The following SYN3 variants were observed in gnomAD, a reference collection of about 807,000 sequenced individuals.
The protein encoded by SYN3 is synapsin III.
In SYN3, 35 loss-of-function variants were observed where a neutral mutation model predicts 65.8. That is an observed-to-expected ratio of 0.53 (90% CI 0.41 to 0.70). SYN3 has a LOEUF of 0.70. Ranked by LOEUF, SYN3 falls within the 30% of genes least tolerant of loss-of-function variation. The probability of loss-of-function intolerance (pLI) is 0.00; values close to 1 mark genes in which losing one functional copy is unlikely to be tolerated. For synonymous variants in SYN3, 270 were observed against 292.9 expected (o/e 0.92, Z 0.80); for missense variants, 680 against 749.0 (o/e 0.91, Z 1.08).
At chr22:32,611,095 CA>C (rs1427496229) in intron 6 of SYN3, among the ~76,000 whole-genome samples, 1 of 152,168 alleles carries the variant, frequency 6.6e-6, no homozygotes, top group Non-Finnish European at 1.5e-5. Context: ...CGCCCTGGAT[CA>C]GAAGTGATTT....
intron 5 of SYN3, among the ~76,000 whole-genome samples, chr22:32,867,249 G>A (rs1435333246): frequency 3.3e-5 from 5 of 152,142 alleles, no homozygotes; most frequent in Admixed American, 1.3e-4. Flanking sequence ...TCCTCTTTCT[G>A]TCCTTGATCT....
chr22:32,868,741 G>A (rs984828115), intron 5 of SYN3, among the ~76,000 whole-genome samples: 3 of 152,104 alleles, frequency 2.0e-5, no homozygotes, highest in South Asian at 2.1e-4. Flanking sequence ...ATAAGCCACC[G>A]TGCCCGGCCT....
intron 6 of SYN3, among the ~76,000 whole-genome samples, chr22:32,795,404 AG>A: frequency 6.6e-6 from 1 of 152,318 alleles, no homozygotes; most frequent in African/African-American, 2.4e-5. Context: ...GGACCTGGTG[AG>A]TGATGATGTC....
At chr22:32,859,114 C>T (rs2048461885) in intron 6 of SYN3, 9 of 1,556,824 alleles carry the variant, frequency 5.8e-6, no homozygotes, top group South Asian at 2.2e-5. Flanking sequence ...AATCCAGGCT[C>T]GGTAGCCTCA....
chr22:32,719,157 T>C (rs1034555232), intron 6 of SYN3, among the ~76,000 whole-genome samples: 2 of 152,180 alleles, frequency 1.3e-5, no homozygotes, highest in African/African-American at 4.8e-5. Context: ...AAAACAGTTC[T>C]TAGCACCACA....
At chr22:32,697,893 C>T (rs1226800652) in intron 6 of SYN3, among the ~76,000 whole-genome samples, 3 of 152,162 alleles carry the variant, frequency 2.0e-5, no homozygotes, top group African/African-American at 7.2e-5. Context: ...ACTCTGCCAT[C>T]AGCATGAGAG....
At chr22:32,720,975 T>C (rs977990876) in intron 6 of SYN3, among the ~76,000 whole-genome samples, 2 of 152,196 alleles carry the variant, frequency 1.3e-5, no homozygotes, top group Non-Finnish European at 1.5e-5. Flanking sequence ...AAACAGTCCC[T>C]TAGTACACAC....
rs150497812 is a variant in SYN3, at chr22:32,795,797, G to A, written c.711+69118C>T. ...TCCCAGAGAGAGTAGGGTCTCAGCA[G>A]CCAAGTTTAAAGAAGGATGCGATCA... On this transcript the variant is annotated intron_variant, in intron 6 of 13. Coordinates refer to ENST00000358763, the MANE Select transcript of SYN3 (RefSeq NM_003490.4). Among the ~76,000 whole-genome samples the A allele has an allele frequency of 8.0e-3, 1,215 of 152,266 alleles. 14 individuals carry two copies. The highest frequency in any genetic ancestry group is 0.026 in the African/African-American group (1,067 of 41,524).
At chr22:32,556,034 G>A (rs996637682) in intron 7 of SYN3, among the ~76,000 whole-genome samples, 4 of 152,100 alleles carry the variant, frequency 2.6e-5, no homozygotes, top group South Asian at 2.1e-4. Flanking sequence ...AGCAGCAATG[G>A]GGACTTGCAA....
chr22:32,527,640 C>A, intron 12 of SYN3: 1 of 349,974 alleles, frequency 2.9e-6, no homozygotes, highest in Non-Finnish European at 5.2e-6. Flanking sequence ...ATTTTCACTG[C>A]AGGACGGCTG....
At chr22:32,873,539 ACTC>A (rs2048907038) in intron 4 of SYN3, among the ~76,000 whole-genome samples, 1 of 151,796 alleles carries the variant, frequency 6.6e-6, no homozygotes, top group African/African-American at 2.4e-5. Flanking sequence ...TGTACCCAGA[ACTC>A]CTCCTTTTTC....
chr22:32,745,424 C>T (rs781673640), intron 6 of SYN3, among the ~76,000 whole-genome samples: 2 of 152,210 alleles, frequency 1.3e-5, no homozygotes, highest in Non-Finnish European at 2.9e-5. Flanking sequence ...GGCGGACTGT[C>T]ACTGACCAAT....
In SYN3 at chr22:32,644,540, G is replaced by C. The variant is rs143772487; in HGVS notation, c.712-47804C>G. ...TCCCAAATAAACGCCTTCCAGCCCA[G>C]ACAAGCAGGAAGTGTGCTGGGCTGG... is the stretch of plus-strand genomic sequence containing the variant. On this transcript the variant is annotated intron_variant, in intron 6 of 13. Coordinates refer to ENST00000358763, the MANE Select transcript of SYN3 (RefSeq NM_003490.4). Among the ~76,000 whole-genome samples the C allele has an allele frequency of 2.9e-4, 44 of 152,336 alleles. 1 individual carries two copies. Among genetic ancestry groups the C allele is most frequent in the African/African-American group, 9.9e-4 (41 of 41,590 alleles).
chr22:32,631,283 G>A (rs893673295), intron 6 of SYN3, among the ~76,000 whole-genome samples: 2 of 141,442 alleles, frequency 1.4e-5, no homozygotes, highest in South Asian at 2.3e-4. Flanking sequence ...TGACAAGAGC[G>A]AAACTCCATC....
chr22:32,743,583 G>A (rs1461199169), intron 6 of SYN3, among the ~76,000 whole-genome samples: 1 of 152,198 alleles, frequency 6.6e-6, no homozygotes, highest in Non-Finnish European at 1.5e-5. Flanking sequence ...GAAGAGGTAA[G>A]TTCTAGCAAT....
chr22:32,762,916 T>C (rs1363320219), intron 6 of SYN3, among the ~76,000 whole-genome samples: 2 of 151,260 alleles, frequency 1.3e-5, no homozygotes, highest in African/African-American at 4.9e-5. Flanking sequence ...AAATAGGAGA[T>C]ACTTTCATTA....
At chr22:32,802,375 G>A (rs2046612843) in intron 6 of SYN3, among the ~76,000 whole-genome samples, 1 of 152,136 alleles carries the variant, frequency 6.6e-6, no homozygotes, top group Non-Finnish European at 1.5e-5. Flanking sequence ...CTTAGGTCGT[G>A]AGGTTCCTAC....
At chr22:32,583,665 A>G (rs541462251) in intron 7 of SYN3, among the ~76,000 whole-genome samples, 100 of 152,310 alleles carry the variant, frequency 6.6e-4, no homozygotes, top group African/African-American at 2.4e-3. Flanking sequence ...CCTCACAGGG[A>G]TAACAAAAAT....
At chr22:32,982,024 C>T (rs1197639736) in intron 2 of SYN3, among the ~76,000 whole-genome samples, 1 of 152,110 alleles carries the variant, frequency 6.6e-6, no homozygotes, top group Non-Finnish European at 1.5e-5. Flanking sequence ...TTAGAAAATA[C>T]AGTTTTGTTT....
Sources: allele counts gnomAD v4.1 joint callset (sites outside exome capture counted in the v4.1 genomes callset), GRCh38; gene constraint gnomAD v4.1.1; transcripts MANE v1.5; gene names NCBI Gene and HGNC (gene_info 2026-07-23, HGNC 2026-07-21).